SUCO: variants seen among roughly 807,000 people sequenced by gnomAD.
SUCO encodes SUN domain containing ossification factor.
Under a neutral mutation model 148.1 loss-of-function variants are expected in SUCO, and 57 were observed. That is an observed-to-expected ratio of 0.38 (90% CI 0.31 to 0.48). SUCO has a LOEUF of 0.48. Ranked by LOEUF, SUCO falls within the 20% of genes least tolerant of loss-of-function variation. SUCO has a pLI of 0.96. For missense variants in SUCO, 1,331 were observed against 1,468.2 expected, an observed-to-expected ratio of 0.91 and a Z score of 1.53; for synonymous variants, 470 against 502.7, an observed-to-expected ratio of 0.93 and a Z score of 0.87.
At chr1:172,609,533 T>C in intron 23 of SUCO, 1 of 975,612 alleles carries the variant, frequency 1.0e-6, no homozygotes, top group Non-Finnish European at 1.2e-6. Flanking sequence ...GTATGCTCTC[T>C]GGCAGTTAGT....
In SUCO at chr1:172,611,115, T is replaced by C. The variant is rs575792503; in HGVS notation, c.*856T>C. 1 of 152,764 alleles carries C rather than the reference T, an allele frequency of 6.5e-6. No homozygotes were observed. Among genetic ancestry groups the C allele is most frequent in the African/African-American group, 2.4e-5 (1 of 41,574 alleles). 9.5% of individuals were successfully genotyped at this position (152,764 alleles called of 1,614,324 possible). On this transcript the variant is annotated 3_prime_UTR_variant, in exon 24 of 24. Transcript: ENST00000263688. Reference sequence around the variant, plus strand: ...CAAACTTTCACTGTTTTTATTAGTATGAATATAAAATTTGAAGGTTTGGCC... The same window carrying C: ...CAAACTTTCACTGTTTTTATTAGTACGAATATAAAATTTGAAGGTTTGGCC...
intron 17 of SUCO, among the ~76,000 whole-genome samples, chr1:172,587,698 A>G (rs1035912531): frequency 3.0e-4 from 46 of 152,026 alleles, no homozygotes; most frequent in African/African-American, 1.1e-3. Flanking sequence ...CTATTTTATT[A>G]CTTTCTTCTG....
intron 1 of SUCO, among the ~76,000 whole-genome samples, chr1:172,539,297 A>G (rs1302489742): frequency 6.6e-6 from 1 of 152,202 alleles, no homozygotes; most frequent in Non-Finnish European, 1.5e-5. Flanking sequence ...CTGGAAAGAG[A>G]TGAAATCTCT....
intron 20 of SUCO, among the ~76,000 whole-genome samples, chr1:172,600,861 T>C (rs1004754212): frequency 1.3e-5 from 2 of 152,058 alleles, no homozygotes; most frequent in Non-Finnish European, 2.9e-5. Flanking sequence ...ATAACAAACC[T>C]GTTTCTAGCA....
At chr1:172,592,047 C>T (rs963981263) in intron 19 of SUCO, among the ~76,000 whole-genome samples, 2 of 152,140 alleles carry the variant, frequency 1.3e-5, no homozygotes, top group Non-Finnish European at 2.9e-5. Context: ...TGAGCATTTT[C>T]TCATGTGTCT....
chr1:172,554,230 G>A (rs1653548351), intron 3 of SUCO, among the ~76,000 whole-genome samples: 1 of 152,182 alleles, frequency 6.6e-6, no homozygotes, highest in South Asian at 2.1e-4. Flanking sequence ...ATGCATAGGA[G>A]TAAGAGAAAA....
rs749941717 is a variant in SUCO at position 172,570,173 on chromosome 1, T to C, written c.981+2T>C. The C allele has an allele frequency of 1.7e-5, 26 of 1,559,946 alleles. No individual in the cohort carries two copies. The highest frequency in any genetic ancestry group is 2.8e-5 in the African/African-American group (2 of 72,584). Reference sequence around the variant, plus strand: ...CTAGCAGCTAATCCAGAAGCCAAGGTAGGTGTTTAAATATAAAATTTTGTA... The same window carrying C: ...CTAGCAGCTAATCCAGAAGCCAAGGCAGGTGTTTAAATATAAAATTTTGTA... On this transcript the variant is annotated splice_donor_variant, in intron 8 of 23. Coordinates refer to ENST00000263688, the MANE Select transcript of SUCO (RefSeq NM_014283.5). LOFTEE classifies it high-confidence loss of function.
At chr1:172,553,447 T>C in intron 3 of SUCO, 77 bp downstream of exon 3, 1 of 1,069,742 alleles carries the variant, frequency 9.3e-7, no homozygotes, top group Non-Finnish European at 1.3e-6. Context: ...TTGGTCACCA[T>C]ATTGTGTGTG....
intron 19 of SUCO, among the ~76,000 whole-genome samples, chr1:172,596,936 C>G (rs1657148520): frequency 6.6e-6 from 1 of 152,230 alleles, no homozygotes; most frequent in Non-Finnish European, 1.5e-5. Context: ...TGGGCTCCAC[C>G]CAGTTCGAGC....
At chr1:172,542,606 G>A (rs578148793) in intron 1 of SUCO, 87 of 298,180 alleles carry the variant, frequency 2.9e-4, no homozygotes, top group Non-Finnish European at 3.3e-4. Context: ...AACCACACAC[G>A]CGAGGGATCT....
chr1:172,600,315 C>T (rs1249712503), intron 20 of SUCO, 147 bp downstream of exon 20: 2 of 626,226 alleles, frequency 3.2e-6, no homozygotes, highest in Non-Finnish European at 2.8e-6. Context: ...CAGAATATGG[C>T]ATTTTTAAGT....
chr1:172,558,051 A>C (rs1653877058), intron 6 of SUCO, among the ~76,000 whole-genome samples: 1 of 152,196 alleles, frequency 6.6e-6, no homozygotes, highest in African/African-American at 2.4e-5. Context: ...TGCCACCCAC[A>C]GCTGTTTGAT....
chr1:172,572,109 G>A (rs1416302516), intron 9 of SUCO, among the ~76,000 whole-genome samples: 1 of 105,108 alleles, frequency 9.5e-6, no homozygotes, highest in South Asian at 3.8e-4. Flanking sequence ...CAAGCCACCC[G>A]GTCCGGGAGG....
chr1:172,562,160 T>C (rs1021198631), intron 6 of SUCO, among the ~76,000 whole-genome samples: 2 of 152,086 alleles, frequency 1.3e-5, no homozygotes, highest in Admixed American at 1.3e-4. Context: ...TAGCCTCAGG[T>C]CACAACAGCA....
chr1:172,536,767 A>G (rs1371161306), intron 1 of SUCO, among the ~76,000 whole-genome samples: 1 of 152,076 alleles, frequency 6.6e-6, no homozygotes, highest in East Asian at 1.9e-4. Context: ...TTCTTTTTGG[A>G]GGCTCTGAGG....
intron 1 of SUCO, chr1:172,550,958 T>C (rs1418626493): frequency 2.6e-6 from 2 of 771,548 alleles, no homozygotes; most frequent in Non-Finnish European, 3.1e-6. Context: ...TCCTTTGGTA[T>C]GTTCCTAGAG....
At position 172,578,287 on chromosome 1, in the gene SUCO, G is replaced by A; in HGVS notation, c.1341-11G>A. 2 of 1,584,890 alleles carry A rather than the reference G, an allele frequency of 1.3e-6. No individual in the cohort carries two copies. The highest frequency in any genetic ancestry group is 1.3e-5 in the African/African-American group (1 of 74,448). ...TGTTTTGGAAGTCTTTAATGAAATTGTTGTTGATAGGGTATTTGGCACTAG... is the reference window on the plus strand; with the variant it reads ...TGTTTTGGAAGTCTTTAATGAAATTATTGTTGATAGGGTATTTGGCACTAG... On this transcript the variant is annotated splice_polypyrimidine_tract_variant and intron_variant, in intron 13 of 23. Coordinates refer to ENST00000263688, the MANE Select transcript of SUCO (RefSeq NM_014283.5).
chr1:172,533,335 A>C lies in SUCO; in HGVS notation c.-101A>C, dbSNP rs1651743845. 4 of 1,551,392 alleles carry C rather than the reference A, an allele frequency of 2.6e-6. No homozygotes were observed. In the East Asian group the frequency reaches 7.3e-5, roughly 28 times the overall value. ...GCCATAGCCCTTAGGACTATCGGTCACATTCTCGCGCTCCTGCTCCGGCTC... is the reference window on the plus strand; with the variant it reads ...GCCATAGCCCTTAGGACTATCGGTCCCATTCTCGCGCTCCTGCTCCGGCTC... On this transcript the variant is annotated 5_prime_UTR_variant, in exon 1 of 24. Coordinates refer to ENST00000263688, the MANE Select transcript of SUCO (RefSeq NM_014283.5).
At position 172,608,712 on chromosome 1, in the gene SUCO, A is replaced by G. The variant is rs757647804; in HGVS notation, c.3266-35A>G. On this transcript the variant is annotated intron_variant, in intron 22 of 23. Coordinates refer to ENST00000263688, the MANE Select transcript of SUCO (RefSeq NM_014283.5). ...AGCAAATCCACCAAATCCACTTTAC[A>G]TTTTACATCTGCTTTTTTTTTTTTT... The G allele has an allele frequency of 6.4e-6, 9 of 1,415,322 alleles. No homozygotes were observed. In the African/African-American group the frequency reaches 1.0e-4, roughly 16 times the overall value. The allele number at this position is 1,415,322 out of a possible 1,614,324, so 87.7% of individuals were successfully genotyped here.
Sources: allele counts gnomAD v4.1 joint callset (sites outside exome capture counted in the v4.1 genomes callset), GRCh38; gene constraint gnomAD v4.1.1; transcripts MANE v1.5; gene names NCBI Gene and HGNC (gene_info 2026-07-23, HGNC 2026-07-21).